Variants in NR3C1 observed in about 807,000 individuals in gnomAD.
NR3C1 encodes the protein nuclear receptor subfamily 3 group C member 1.
NR3C1 carries 14 observed loss-of-function variants against 74.0 expected under a neutral mutation model. The observed-to-expected ratio is 0.19, with a 90% CI of 0.12 to 0.30. The LOEUF (loss-of-function observed/expected upper bound fraction) is 0.30. Among genes scored for constraint, NR3C1 ranks in the 10% least tolerant of loss-of-function variants. NR3C1 has a pLI of 1.00. For missense variants in NR3C1, 695 were observed against 909.8 expected (o/e 0.76, Z 3.04); for synonymous variants, 308 against 332.5 (o/e 0.93, Z 0.80).
intron 2 of NR3C1, among the ~76,000 whole-genome samples, chr5:143,343,508 C>T (rs1056404018): frequency 2.6e-5 from 4 of 152,034 alleles, no homozygotes; most frequent in Admixed American, 2.0e-4. Flanking sequence ...TATTATTATC[C>T]CCATTATATA....
rs77237051 is a variant in NR3C1, at chr5:143,382,445, A to G, written c.1184+17211T>C. 1.0e-3 allele frequency among the ~76,000 whole-genome samples: 156 copies of G among 152,374 alleles called. 3 individuals are homozygous for G. The East Asian group carries it at 0.022, about 22-fold the overall frequency. ...TATGGCACAACAGACAGAGTTCTCA[A>G]GTAAAAACCTTTGGCATTAAGGAGT... On this transcript the variant is annotated intron_variant, in intron 2 of 8. Coordinates refer to ENST00000394464, the MANE Select transcript of NR3C1 (RefSeq NM_000176.3).
intron 7 of NR3C1, among the ~76,000 whole-genome samples, chr5:143,289,791 A>G (rs568218886): frequency 5.3e-5 from 8 of 152,350 alleles, no homozygotes; most frequent in African/African-American, 1.4e-4. Context: ...CAGTATACCT[A>G]CGATGAAAGA....
chr5:143,284,859 A>G (rs1813981248), intron 7 of NR3C1, among the ~76,000 whole-genome samples: 1 of 152,112 alleles, frequency 6.6e-6, no homozygotes. Flanking sequence ...AGTAATTATC[A>G]TACTGCAGTG....
upstream of NR3C1, chr5:143,403,886 G>A (rs1840830232): frequency 4.1e-6 from 4 of 978,814 alleles, no homozygotes; most frequent in Non-Finnish European, 4.8e-6. Flanking sequence ...CTGCACGCCC[G>A]CGTCCCCTGG....
rs1816978939 is a variant in NR3C1 at position 143,295,467 on chromosome 5, G to C, written c.2016C>G (p.Leu672=). Residue 672 remains leucine, a synonymous_variant, in exon 7 of 9, where the codon CTC becomes CTG. Coordinates refer to ENST00000394464, the MANE Select transcript of NR3C1 (RefSeq NM_000176.3). ...EYLCMKTLLL[L]SSVPKDGLKS... ...AAAAGGTGTTCTACCAACCTGAAGA[G>C]AGAAGCAGTAAGGTTTTCATACAGA... is the stretch of plus-strand genomic sequence containing the variant. 1.9e-6 allele frequency: 3 copies of C among 1,612,646 alleles called. No individual in the cohort carries two copies. The highest frequency in any genetic ancestry group is 2.2e-5 in the East Asian group (1 of 44,768).
intron 5 of NR3C1, among the ~76,000 whole-genome samples, chr5:143,299,366 T>C (rs1354617712): frequency 6.8e-6 from 1 of 147,926 alleles, no homozygotes; most frequent in East Asian, 1.9e-4. Flanking sequence ...AAAAAGCCAG[T>C]TTTGTCACCT....
Position 143,281,795 on chromosome 5 carries a change from A to AAAAC in NR3C1, c.*90_*93dup. ...ACAACAGATGAAAACAATAAAAAAT[A>AAAAC]AAACAACAAAACCTCTACAGGACAA... On this transcript the variant is annotated 3_prime_UTR_variant, in exon 9 of 9. Coordinates refer to ENST00000394464, the MANE Select transcript of NR3C1 (RefSeq NM_000176.3). 12 of 1,342,584 alleles carry AAAAC rather than the reference A, an allele frequency of 8.9e-6. No homozygotes were observed. Among genetic ancestry groups the AAAAC allele is most frequent in the Non-Finnish European group, 1.3e-5 (12 of 951,660 alleles). The allele number at this position is 1,342,584 out of a possible 1,614,324, so 83.2% of individuals were successfully genotyped here.
Position 143,328,362 on chromosome 5 carries a change from A to C in NR3C1, c.1185-14194T>G, listed in dbSNP as rs1226144956. ...CCTGTGATGGGAGGGGCTGCCCCGA[A>C]GATCTCTGCCATGCCCTGGAGACAT... On this transcript the variant is annotated intron_variant, in intron 2 of 8. Transcript: ENST00000394464. 2.0e-5 allele frequency among the ~76,000 whole-genome samples: 3 copies of C among 152,194 alleles called. No homozygotes were observed. The East Asian group carries it at 5.8e-4, about 29-fold the overall frequency.
chr5:143,334,681 T>C (rs759823517), intron 2 of NR3C1, among the ~76,000 whole-genome samples: 2 of 141,194 alleles, frequency 1.4e-5, no homozygotes, highest in Non-Finnish European at 3.1e-5. Context: ...GAAATACACA[T>C]AGGAAGAAAG....
At chr5:143,431,033 A>G (rs569350525) in intron 1 of NR3C1, among the ~76,000 whole-genome samples, 1 of 152,294 alleles carries the variant, frequency 6.6e-6, no homozygotes, top group African/African-American at 2.4e-5. Context: ...TTGTTTATGT[A>G]GAGATGTGGG....
chr5:143,407,828 C>T (rs567953584), upstream of NR3C1, among the ~76,000 whole-genome samples: 5 of 152,306 alleles, frequency 3.3e-5, no homozygotes, highest in South Asian at 2.1e-4. Flanking sequence ...TCAACTAAAT[C>T]AGGCTGTGCT....
At chr5:143,313,688 T>A (rs1220754522) in intron 3 of NR3C1, among the ~76,000 whole-genome samples, 2 of 152,210 alleles carry the variant, frequency 1.3e-5, no homozygotes, top group East Asian at 3.8e-4. Flanking sequence ...ATGTTTCTAA[T>A]ACAATGAACA....
chr5:143,296,451 G>T (rs1377746244), intron 6 of NR3C1, among the ~76,000 whole-genome samples: 1 of 152,042 alleles, frequency 6.6e-6, no homozygotes, highest in Non-Finnish European at 1.5e-5. Context: ...TGCTCTTACC[G>T]AAGAGGCACC....
chr5:143,423,156 T>A (rs1374383764), intron 1 of NR3C1, among the ~76,000 whole-genome samples: 1 of 152,190 alleles, frequency 6.6e-6, no homozygotes, highest in East Asian at 1.9e-4. Flanking sequence ...CTAAAAGGCT[T>A]CTGCACAGCA....
chr5:143,434,875 T>G, exon 1 of NR3C1: 13 of 985,280 alleles, frequency 1.3e-5, no homozygotes, highest in Non-Finnish European at 1.6e-5. Flanking sequence ...GATGAACAAA[T>G]AGCTACCAAC....
chr5:143,403,062 G>A, intron 1 of NR3C1, 149 bp downstream of exon 1: 1 of 850,692 alleles, frequency 1.2e-6, no homozygotes, highest in Non-Finnish European at 1.4e-6. Context: ...TTTCGTCACC[G>A]TCGCCCGGCC....
chr5:143,375,437 C>G (rs1835019479), intron 2 of NR3C1, among the ~76,000 whole-genome samples: 1 of 152,028 alleles, frequency 6.6e-6, no homozygotes, highest in African/African-American at 2.4e-5. Context: ...TAATAGGGGC[C>G]TAGTTAAATA....
intron 2 of NR3C1, among the ~76,000 whole-genome samples, chr5:143,396,390 A>T (rs748179215): frequency 6.6e-6 from 1 of 151,820 alleles, no homozygotes; most frequent in Admixed American, 6.6e-5. Context: ...AAGCTTAAAA[A>T]ACACTGAAAC....
At chr5:143,333,634 G>C (rs916598187) in intron 2 of NR3C1, among the ~76,000 whole-genome samples, 10 of 152,244 alleles carry the variant, frequency 6.6e-5, no homozygotes, top group African/African-American at 2.2e-4. Context: ...TGGGTGTGGT[G>C]GCACGTGCCT....
Sources: allele counts gnomAD v4.1 joint callset (sites outside exome capture counted in the v4.1 genomes callset), GRCh38; gene constraint gnomAD v4.1.1; transcripts MANE v1.5; gene names NCBI Gene and HGNC (gene_info 2026-07-23, HGNC 2026-07-21).